Variants in DEAF1 observed in about 807,000 individuals in gnomAD.
The protein encoded by DEAF1 is DEAF1 transcription factor.
A neutral mutation model predicts 58.9 loss-of-function variants in DEAF1; 53 were observed. That is an observed-to-expected ratio of 0.90 (90% CI 0.72 to 1.13). DEAF1 has a LOEUF of 1.13. Among genes scored for constraint, DEAF1 ranks in the 50% most tolerant of loss-of-function variants. The probability of loss-of-function intolerance (pLI) is 0.00; values close to 1 mark genes in which losing one functional copy is unlikely to be tolerated. For missense variants in DEAF1, 685 were observed against 791.4 expected (o/e 0.87, Z 1.61); for synonymous variants, 385 against 340.4 (o/e 1.13, Z -1.44).
chr11:682,672 G>T (rs777148425), intron 6 of DEAF1, among the ~76,000 whole-genome samples: 1 of 152,182 alleles, frequency 6.6e-6, no homozygotes, highest in Admixed American at 6.5e-5. Context: ...GGTTCTGTGT[G>T]GGGGGCAGCA....
intron 9 of DEAF1, 134 bp downstream of exon 9, chr11:678,560 C>G (rs1012037567): frequency 1.5e-6 from 2 of 1,297,000 alleles, no homozygotes; most frequent in East Asian, 4.7e-5. Flanking sequence ...CCACACTTTA[C>G]CAGCCACTGA....
intron 11 of DEAF1, among the ~76,000 whole-genome samples, chr11:647,642 A>G (rs1399380685): frequency 2.6e-5 from 4 of 152,172 alleles, no homozygotes; most frequent in African/African-American, 9.7e-5. Context: ...GCCCAAAGAG[A>G]GAGGGGGACA....
intron 6 of DEAF1, among the ~76,000 whole-genome samples, chr11:682,886 A>C (rs886572283): frequency 6.6e-6 from 1 of 152,142 alleles, no homozygotes; most frequent in Non-Finnish European, 1.5e-5. Context: ...TGCCCCTCCC[A>C]GTGAGATACC....
intron 1 of DEAF1, chr11:703,001 ACGGCTGGCAC>A (rs1460558130): frequency 4.3e-6 from 7 of 1,611,848 alleles, no homozygotes; most frequent in Non-Finnish European, 5.1e-6. Flanking sequence ...CCTGGCCCTC[ACGGCTGGCAC>A]CGCCCTCCTC....
chr11:673,865 C>T (rs889781147), intron 10 of DEAF1: 1 of 155,576 alleles, frequency 6.4e-6, no homozygotes, highest in Non-Finnish European at 1.4e-5. Flanking sequence ...TTCTATCTAC[C>T]CTATTCATGT....
intron 11 of DEAF1, among the ~76,000 whole-genome samples, chr11:648,681 T>C (rs575406943): frequency 2.8e-4 from 42 of 152,322 alleles, no homozygotes; most frequent in South Asian, 2.1e-3. Context: ...ACTCAGCCTC[T>C]GCAGTACACT....
rs568582444 is a variant in DEAF1, at chr11:665,096, G to A, written c.1503+9440C>T. On this transcript the variant is annotated intron_variant, in intron 10 of 11. Coordinates refer to ENST00000382409, the MANE Select transcript of DEAF1 (RefSeq NM_021008.4). ...CTCGGTCACTCTGAGTCCTGGCTCA[G>A]CTATTCACACCGAGAGGAGGAGGAC... 1.3e-4 allele frequency among the ~76,000 whole-genome samples: 17 copies of A among 131,204 alleles called. No homozygotes were observed. The East Asian group carries it at 3.5e-3, about 27-fold the overall frequency. 86.1% of individuals were successfully genotyped at this position (131,204 alleles called of 152,430 possible).
At chr11:671,148 T>C (rs1859808080) in intron 10 of DEAF1, among the ~76,000 whole-genome samples, 1 of 151,726 alleles carries the variant, frequency 6.6e-6, no homozygotes, top group Non-Finnish European at 1.5e-5. Flanking sequence ...CAGGATGGTC[T>C]CGATCTCCTG....
intron 2 of DEAF1, chr11:689,604 C>G (rs1433732192): frequency 6.6e-6 from 1 of 152,158 alleles, no homozygotes; most frequent in Non-Finnish European, 1.5e-5. Flanking sequence ...AACACACATG[C>G]CTGACGCCTG....
chr11:675,243 G>A (rs1185191966), intron 9 of DEAF1, among the ~76,000 whole-genome samples: 1 of 152,108 alleles, frequency 6.6e-6, no homozygotes, highest in African/African-American at 2.4e-5. Flanking sequence ...TCATCACCCG[G>A]TGCAGTGGCT....
intron 11 of DEAF1, among the ~76,000 whole-genome samples, chr11:647,393 T>C (rs1047630393): frequency 2.0e-5 from 3 of 152,078 alleles, no homozygotes; most frequent in Non-Finnish European, 2.9e-5. Flanking sequence ...AAGTGGAGGT[T>C]GCAGTGAGCC....
intron 10 of DEAF1, among the ~76,000 whole-genome samples, chr11:669,927 C>CAAA (rs59541099): frequency 6.9e-5 from 6 of 86,884 alleles, no homozygotes; most frequent in African/African-American, 9.3e-5. Context: ...GAGACTGTCT[C>CAAA]AAAAAAAAAA....
intron 1 of DEAF1, among the ~76,000 whole-genome samples, chr11:691,932 G>C (rs1224433527): frequency 6.6e-6 from 1 of 152,188 alleles, no homozygotes; most frequent in Non-Finnish European, 1.5e-5. Context: ...CGGCACAGCT[G>C]TGGGTTCTGC....
At chr11:703,980 T>A (rs1269512512) in intron 1 of DEAF1, 1 of 1,227,982 alleles carries the variant, frequency 8.1e-7, no homozygotes, top group Non-Finnish European at 1.0e-6. Context: ...CTATCAGTTC[T>A]CCTTAAAAAG....
chr11:674,486 C>T (rs767877168), intron 10 of DEAF1, 50 bp downstream of exon 10: 8 of 1,612,480 alleles, frequency 5.0e-6, no homozygotes, highest in Middle Eastern at 1.8e-4. Context: ...ACCAGGGTGG[C>T]CTGGGGTTAC....
chr11:687,997 T>C lies in DEAF1; in HGVS notation c.578A>G (p.Asn193Ser), dbSNP rs764189923. ...PGQEKGGTKYNWDPSVYDSEL... is the reference protein window; with the variant it reads ...PGQEKGGTKYSWDPSVYDSEL... ...ACTGTCGTACACAGAAGGGTCCCAG[T>C]TGTATTTAGTTCCACCTTTTTCTTG... Residue 193 changes from asparagine to serine, a missense_variant, in exon 4 of 12, where the codon AAC (asparagine) becomes AGC (serine). By Grantham distance (46) the Asn-to-Ser change is conservative (BLOSUM62 1). This residue lies in a region of DEAF1 where 132 missense variants were observed against 234.3 expected (regional missense o/e 0.56). Transcript: ENST00000382409. The C allele has an allele frequency of 1.2e-6, 2 of 1,614,092 alleles. No homozygotes were observed. Among genetic ancestry groups the C allele is most frequent in the South Asian group, 2.2e-5 (2 of 91,088 alleles).
At chr11:668,911 T>C (rs1027377145) in intron 10 of DEAF1, among the ~76,000 whole-genome samples, 3 of 152,164 alleles carry the variant, frequency 2.0e-5, no homozygotes, top group Non-Finnish European at 4.4e-5. Context: ...CTGCAAGCTC[T>C]GCCTCCTGGA....
At chr11:675,191 AT>A (rs1860000121) in intron 9 of DEAF1, among the ~76,000 whole-genome samples, 3 of 151,940 alleles carry the variant, frequency 2.0e-5, no homozygotes, top group Non-Finnish European at 2.9e-5. Flanking sequence ...TCTCAAAAAA[AT>A]AAACAAATAA....
At chr11:678,616 A>G in intron 9 of DEAF1, 78 bp downstream of exon 9, 1 of 1,604,496 alleles carries the variant, frequency 6.2e-7, no homozygotes. Flanking sequence ...AATGAATCCC[A>G]TTTCACTTAG....
Sources: allele counts gnomAD v4.1 joint callset (sites outside exome capture counted in the v4.1 genomes callset), GRCh38; gene constraint gnomAD v4.1.1; regional missense constraint gnomAD v4.1.1; transcripts MANE v1.5; gene names NCBI Gene and HGNC (gene_info 2026-07-23, HGNC 2026-07-21).